DCDC1: variants seen among roughly 807,000 people sequenced by gnomAD.
The protein encoded by DCDC1 is doublecortin domain containing 1.
DCDC1 carries 200 observed loss-of-function variants against 178.3 expected under a neutral mutation model. The ratio of observed to expected loss-of-function variants is 1.12; its 90% confidence interval spans 1.00 to 1.26. DCDC1 has a LOEUF of 1.26. DCDC1 is among the 50% of genes most tolerant of loss of function. DCDC1 has a pLI of 0.00. For missense variants in DCDC1, 1,983 were observed against 1,749.2 expected (o/e 1.13, Z -2.38); for synonymous variants, 690 against 604.8 (o/e 1.14, Z -2.07).
At chr11:31,069,264 G>A (rs963593953) in intron 18 of DCDC1, among the ~76,000 whole-genome samples, 1 of 152,048 alleles carries the variant, frequency 6.6e-6, no homozygotes, top group African/African-American at 2.4e-5. Context: ...ATTTTGGAAC[G>A]AGATTTTTGA....
intron 22 of DCDC1, among the ~76,000 whole-genome samples, chr11:30,928,111 C>T (rs185787415): frequency 1.6e-3 from 250 of 152,062 alleles, no homozygotes; most frequent in Non-Finnish European, 2.8e-3. Context: ...GATTAATGCC[C>T]CCCCTTGGAA....
intron 30 of DCDC1, 25 bp from the exon 31 acceptor site, chr11:30,905,189 A>G (rs1379213025): frequency 6.5e-7 from 1 of 1,548,218 alleles, no homozygotes; most frequent in African/African-American, 1.4e-5. Context: ...AATAAATTGT[A>G]CATTTACTCA....
intron 37 of DCDC1, 26 bp downstream of exon 37, chr11:30,881,132 G>A: frequency 1.9e-6 from 3 of 1,610,816 alleles, no homozygotes; most frequent in Non-Finnish European, 2.5e-6. Context: ...TCAAAGACTT[G>A]ATGGAAAAGA....
chr11:31,358,722 G>C (rs1280035763), intron 1 of DCDC1, among the ~76,000 whole-genome samples: 1 of 152,000 alleles, frequency 6.6e-6, no homozygotes, highest in Admixed American at 6.6e-5. Flanking sequence ...AATCCACAAA[G>C]AACTCAAACA....
In DCDC1 at chr11:31,101,367, A is replaced by G. The variant is rs76715686; in HGVS notation, c.1983+810T>C. Among the ~76,000 whole-genome samples the G allele has an allele frequency of 2.7e-4, 4 of 14,556 alleles. No homozygotes were observed. The African/African-American group carries it at 3.7e-3, about 13-fold the overall frequency. 9.5% of individuals were successfully genotyped at this position (14,556 alleles called of 152,430 possible). A position where few individuals can be genotyped will look rare whatever the true frequency, so the allele number is the denominator to read the frequency against. ...CGCCTTTCATAATTGAGCTGGAGGG[A>G]AAAAAAAAAACATCTTCTTTACTGG... On this transcript the variant is annotated intron_variant, in intron 15 of 38. Coordinates refer to ENST00000684477, the MANE Select transcript of DCDC1 (RefSeq NM_001387274.1).
At chr11:30,911,508 G>T in intron 27 of DCDC1, 88 bp from the exon 28 acceptor site, 2 of 921,682 alleles carry the variant, frequency 2.2e-6, no homozygotes, top group Non-Finnish European at 3.5e-6. Flanking sequence ...TTGCCTCTCA[G>T]CTCCATGCAT....
chr11:31,226,469 C>A (rs994219558), intron 9 of DCDC1, among the ~76,000 whole-genome samples: 1 of 150,836 alleles, frequency 6.6e-6, no homozygotes, highest in African/African-American at 2.4e-5. Flanking sequence ...AATAAAAACA[C>A]AAAAGACACT....
intron 6 of DCDC1, among the ~76,000 whole-genome samples, chr11:31,298,851 G>T (rs1403234831): frequency 6.6e-6 from 1 of 152,092 alleles, no homozygotes; most frequent in Non-Finnish European, 1.5e-5. Flanking sequence ...ATAAAAAGCA[G>T]CAAACTTGCA....
intron 17 of DCDC1, among the ~76,000 whole-genome samples, chr11:31,083,123 G>A (rs937621184): frequency 8.5e-5 from 13 of 152,058 alleles, no homozygotes; most frequent in African/African-American, 3.1e-4. Context: ...AACCTAGTCC[G>A]GTAATGTTTG....
chr11:31,009,729 G>C (rs959976988), intron 20 of DCDC1, among the ~76,000 whole-genome samples: 1 of 152,112 alleles, frequency 6.6e-6, no homozygotes, highest in African/African-American at 2.4e-5. Flanking sequence ...CCACATTGGG[G>C]AGGTACATTA....
intron 20 of DCDC1, among the ~76,000 whole-genome samples, chr11:31,040,699 C>T (rs993154581): frequency 1.3e-5 from 2 of 152,108 alleles, no homozygotes; most frequent in Non-Finnish European, 2.9e-5. Context: ...AATGTTGGTG[C>T]TAAAATACAA....
chr11:31,149,383 A>G (rs1169391850), intron 9 of DCDC1, among the ~76,000 whole-genome samples: 1 of 152,110 alleles, frequency 6.6e-6, no homozygotes, highest in East Asian at 1.9e-4. Context: ...AGCACTCTAT[A>G]AAATGGATCA....
intron 9 of DCDC1, among the ~76,000 whole-genome samples, chr11:31,166,267 G>A (rs1043413017): frequency 6.6e-6 from 1 of 152,052 alleles, no homozygotes; most frequent in Non-Finnish European, 1.5e-5. Context: ...TTTTATTGAT[G>A]AGTATCATGA....
At chr11:31,312,845 T>C (rs532493314) in intron 3 of DCDC1, 2 of 152,030 alleles carry the variant, frequency 1.3e-5, no homozygotes, top group Non-Finnish European at 2.9e-5. Context: ...TGTACATATA[T>C]AATATATAAA....
At chr11:31,193,606 A>G (rs1970365049) in intron 9 of DCDC1, among the ~76,000 whole-genome samples, 1 of 152,140 alleles carries the variant, frequency 6.6e-6, no homozygotes, top group Admixed American at 6.6e-5. Flanking sequence ...AAACATTAAC[A>G]GAGTGATTGA....
At chr11:31,274,296 T>C (rs1451017196) in intron 7 of DCDC1, among the ~76,000 whole-genome samples, 1 of 152,200 alleles carries the variant, frequency 6.6e-6, no homozygotes, top group Admixed American at 6.5e-5. Flanking sequence ...CTTTTATTCA[T>C]CAATTCAAAA....
chr11:31,254,117 A>T (rs1003154352), intron 8 of DCDC1, among the ~76,000 whole-genome samples: 1 of 152,204 alleles, frequency 6.6e-6, no homozygotes, highest in Non-Finnish European at 1.5e-5. Flanking sequence ...TTACCATAAA[A>T]TAATATATCC....
intron 20 of DCDC1, among the ~76,000 whole-genome samples, chr11:30,955,305 T>C (rs946526756): frequency 1.3e-5 from 2 of 152,210 alleles, no homozygotes; most frequent in African/African-American, 4.8e-5. Context: ...CAATAGACCA[T>C]AACACCTACT....
intron 15 of DCDC1, among the ~76,000 whole-genome samples, chr11:31,098,935 C>A (rs1159767819): frequency 6.6e-6 from 1 of 152,232 alleles, no homozygotes; most frequent in Non-Finnish European, 1.5e-5. Context: ...CTAAAAATGC[C>A]ATAGCATATA....
Sources: allele counts gnomAD v4.1 joint callset (sites outside exome capture counted in the v4.1 genomes callset), GRCh38; gene constraint gnomAD v4.1.1; transcripts MANE v1.5; gene names NCBI Gene and HGNC (gene_info 2026-07-23, HGNC 2026-07-21).